KAZN: variants seen among roughly 807,000 people sequenced by gnomAD.
The protein encoded by KAZN is kazrin, periplakin interacting protein, also known as kazrin.
In KAZN, 40 loss-of-function variants were observed where a neutral mutation model predicts 87.4. That is an observed-to-expected ratio of 0.46 (90% CI 0.36 to 0.60). The LOEUF is 0.60. Ranked by LOEUF, KAZN falls within the 20% of genes least tolerant of loss-of-function variation. The pLI is 0.00. For synonymous variants in KAZN, 466 were observed against 458.3 expected (o/e 1.02, Z -0.22); for missense variants, 898 against 1,073.9 (o/e 0.84, Z 2.29).
chr1:14,855,574 G>A (rs942365178), intron 1 of KAZN, among the ~76,000 whole-genome samples: 1 of 152,198 alleles, frequency 6.6e-6, no homozygotes, highest in African/African-American at 2.4e-5. Flanking sequence ...GGTCAGCCAG[G>A]CCAGTGTCCA....
intron 2 of KAZN, among the ~76,000 whole-genome samples, chr1:14,549,099 C>A (rs12035490): frequency 2.0e-5 from 3 of 152,000 alleles, no homozygotes; most frequent in African/African-American, 7.2e-5. Context: ...TATAAAAGAG[C>A]GTACATGCTG....
chr1:14,118,157 G>A (rs1453507653), intron 1 of KAZN, among the ~76,000 whole-genome samples: 1 of 152,206 alleles, frequency 6.6e-6, no homozygotes, highest in African/African-American at 2.4e-5. Flanking sequence ...TCAAAGAATG[G>A]TGAAAAGGCA....
At chr1:14,905,583 C>T (rs1489241012) in intron 1 of KAZN, among the ~76,000 whole-genome samples, 2 of 152,174 alleles carry the variant, frequency 1.3e-5, no homozygotes, top group Non-Finnish European at 2.9e-5. Context: ...CAGTGGCTCA[C>T]GCCTATAATC....
At chr1:14,334,953 TGAGA>T (rs1415413394) in intron 2 of KAZN, among the ~76,000 whole-genome samples, 2 of 150,366 alleles carry the variant, frequency 1.3e-5, no homozygotes, top group South Asian at 2.1e-4. Context: ...AGACAGAGAG[TGAGA>T]GAGTGACACA....
rs938993217 is a variant in KAZN, at chr1:14,361,110, T to A, written c.249+180518T>A. Among the ~76,000 whole-genome samples the A allele has an allele frequency of 2.0e-5, 3 of 152,226 alleles. 1 individual carries two copies. Among genetic ancestry groups the A allele is most frequent in the African/African-American group, 7.2e-5 (3 of 41,454 alleles). ...TATAGGCCCGACTGGGGCTGCTGCC[T>A]TTCTTTCAGAGATGCTCCGCCCAGA... is the stretch of plus-strand genomic sequence containing the variant. On this transcript the variant is annotated intron_variant, in intron 2 of 16. Transcript: ENST00000636203.
In KAZN at chr1:14,487,286, A is replaced by T. The variant is rs145279722; in HGVS notation, c.250-111697A>T. Among the ~76,000 whole-genome samples, 403 of 152,084 alleles carry T rather than the reference A, an allele frequency of 2.6e-3. 3 individuals are homozygous for T. The highest frequency in any genetic ancestry group is 9.4e-3 in the African/African-American group (391 of 41,450). ...AGTTTTCCATATAGCTAACTAAAAG[A>T]CTCTCCTTCCTTAAGTAATGGACAA... On this transcript the variant is annotated intron_variant, in intron 2 of 16. Coordinates refer to the KAZN transcript ENST00000636203.
At chr1:14,082,075 C>G (rs1643695891) in intron 1 of KAZN, among the ~76,000 whole-genome samples, 1 of 152,150 alleles carries the variant, frequency 6.6e-6, no homozygotes. Flanking sequence ...ATGCCCAGCC[C>G]ACTCTGTTCC....
chr1:14,994,983 T>C (rs969169093), intron 2 of KAZN, among the ~76,000 whole-genome samples: 4 of 152,174 alleles, frequency 2.6e-5, no homozygotes, highest in African/African-American at 9.6e-5. Flanking sequence ...ACCACTGATG[T>C]AGTGCTTAGC....
intron 1 of KAZN, among the ~76,000 whole-genome samples, chr1:14,162,570 A>G (rs2100211271): frequency 6.9e-6 from 1 of 144,070 alleles, no homozygotes; most frequent in Admixed American, 7.1e-5. Flanking sequence ...TTTGAGACAG[A>G]GTCTCACTCT....
intron 2 of KAZN, among the ~76,000 whole-genome samples, chr1:14,239,863 G>A (rs1302610052): frequency 1.3e-5 from 2 of 152,054 alleles, no homozygotes; most frequent in Admixed American, 6.5e-5. Flanking sequence ...GGGAAGAGAT[G>A]GTGCTGCTGG....
chr1:14,868,793 A>T (rs960987427), intron 1 of KAZN, among the ~76,000 whole-genome samples: 1 of 151,928 alleles, frequency 6.6e-6, no homozygotes, highest in African/African-American at 2.4e-5. Context: ...GCAGTGAGCT[A>T]TGATCATGCC....
chr1:14,058,810 A>G (rs61775663), intron 1 of KAZN, among the ~76,000 whole-genome samples: 315 of 152,310 alleles, frequency 2.1e-3, no homozygotes, highest in Middle Eastern at 3.4e-3. Context: ...TTAAGCTAAT[A>G]TTTGCAGGAT....
intron 2 of KAZN, among the ~76,000 whole-genome samples, chr1:14,410,790 A>C (rs1347217049): frequency 6.6e-6 from 1 of 152,158 alleles, no homozygotes. Flanking sequence ...TGGTGTGGCC[A>C]ATAACCAAAA....
intron 1 of KAZN, among the ~76,000 whole-genome samples, chr1:14,021,876 A>G (rs1051466261): frequency 2.0e-5 from 3 of 151,858 alleles, no homozygotes; most frequent in African/African-American, 7.3e-5. Flanking sequence ...AGTATTTGCA[A>G]TTATGAGATG....
chr1:14,414,262 G>A (rs1412530111), intron 2 of KAZN, among the ~76,000 whole-genome samples: 4 of 142,262 alleles, frequency 2.8e-5, no homozygotes, highest in African/African-American at 1.1e-4. Flanking sequence ...CCATTTCTAA[G>A]AATATACGGA....
At chr1:14,249,429 A>G (rs1428280137) in intron 2 of KAZN, among the ~76,000 whole-genome samples, 2 of 152,228 alleles carry the variant, frequency 1.3e-5, no homozygotes, top group Non-Finnish European at 2.9e-5. Context: ...TTGAAATTGC[A>G]AAATGAATTT....
intron 1 of KAZN, among the ~76,000 whole-genome samples, chr1:14,913,484 A>T (rs913988278): frequency 2.6e-5 from 4 of 152,230 alleles, no homozygotes; most frequent in African/African-American, 4.8e-5. Context: ...GGAAAAGAAG[A>T]ATTTAGAACA....
intron 1 of KAZN, among the ~76,000 whole-genome samples, chr1:14,744,105 T>C (rs1644194468): frequency 6.6e-6 from 1 of 152,192 alleles, no homozygotes; most frequent in African/African-American, 2.4e-5. Flanking sequence ...AGGCTGGCTT[T>C]ATCATGGCCA....
At chr1:14,516,068 G>C (rs1440553417) in intron 2 of KAZN, among the ~76,000 whole-genome samples, 1 of 152,126 alleles carries the variant, frequency 6.6e-6, no homozygotes, top group Non-Finnish European at 1.5e-5. Context: ...TGGCCAACCA[G>C]GTTCTAGAAA....
Sources: gnomAD v4.1 joint callset for allele counts (sites outside exome capture counted in the v4.1 genomes callset) on GRCh38, gnomAD v4.1.1 for gene constraint, MANE v1.5 for transcripts, NCBI Gene and HGNC (gene_info 2026-07-23, HGNC 2026-07-21) for gene names.